NRXN3: variants seen among roughly 807,000 people sequenced by gnomAD.
The protein encoded by NRXN3 is neurexin 3, also known as neurexin III.
A neutral mutation model predicts 137.6 loss-of-function variants in NRXN3; 32 were observed. The ratio of observed to expected loss-of-function variants is 0.23; its 90% CI spans 0.18 to 0.31. NRXN3 has a LOEUF of 0.31. Among genes scored for constraint, NRXN3 ranks in the 10% least tolerant of loss-of-function variants. NRXN3 has a pLI of 1.00. For missense variants in NRXN3, 1,574 were observed against 2,062.5 expected, an observed-to-expected ratio of 0.76 and a Z score of 4.59; for synonymous variants, 798 against 784.5, an observed-to-expected ratio of 1.02 and a Z score of -0.29.
At chr14:78,343,254 C>T (rs578099765) in intron 4 of NRXN3, among the ~76,000 whole-genome samples, 1 of 152,296 alleles carries the variant, frequency 6.6e-6, no homozygotes, top group South Asian at 2.1e-4. Context: ...CTTTTTGAGC[C>T]TTTGTTTCCT....
At chr14:79,579,102 T>C (rs1281714956) in intron 16 of NRXN3, among the ~76,000 whole-genome samples, 2 of 151,950 alleles carry the variant, frequency 1.3e-5, no homozygotes, top group African/African-American at 4.8e-5. Flanking sequence ...ATTTCACATA[T>C]GACCTGAAAT....
At position 79,610,406 on chromosome 14, in the gene NRXN3, T is replaced by G. The variant is rs144951903; in HGVS notation, c.3445-53372T>G. Among the ~76,000 whole-genome samples the G allele has an allele frequency of 7.9e-3, 1,203 of 152,272 alleles. 12 individuals are homozygous for G. The highest frequency in any genetic ancestry group is 0.027 in the African/African-American group (1,126 of 41,548). The stretch of plus-strand genomic sequence containing the variant: ...ATGGTAGTATTTAACAGTTTTCATG[T>G]TTATGGCCTTTTCCTGCAACTAAGT... On this transcript the variant is annotated intron_variant, in intron 16 of 20. Coordinates refer to ENST00000335750, the MANE Select transcript of NRXN3 (RefSeq NM_001330195.2).
intron 15 of NRXN3, among the ~76,000 whole-genome samples, chr14:79,237,813 A>G (rs2073656650): frequency 6.6e-6 from 1 of 152,124 alleles, no homozygotes; most frequent in Non-Finnish European, 1.5e-5. Context: ...TAAAATCCGT[A>G]TTCTGTTTCT....
chr14:79,779,607 C>T (rs950277788), intron 19 of NRXN3, among the ~76,000 whole-genome samples: 1 of 152,162 alleles, frequency 6.6e-6, no homozygotes, highest in East Asian at 1.9e-4. Context: ...AAAAACTTTT[C>T]TCTGAGGATA....
chr14:78,174,491 T>C (rs78726763), intron 1 of NRXN3, among the ~76,000 whole-genome samples: 2,923 of 152,212 alleles, frequency 0.019, 45 homozygotes, highest in South Asian at 0.066. Context: ...TTGGTGGCCT[T>C]TGTGTTGGTT....
chr14:78,197,435 T>G (rs115605364), intron 1 of NRXN3, among the ~76,000 whole-genome samples: 2 of 152,238 alleles, frequency 1.3e-5, no homozygotes, highest in African/African-American at 4.8e-5. Context: ...CAAACCCTCC[T>G]GTGCAGCAAT....
At chr14:79,112,623 T>A (rs1167005927) in intron 15 of NRXN3, among the ~76,000 whole-genome samples, 2 of 152,228 alleles carry the variant, frequency 1.3e-5, no homozygotes, top group East Asian at 3.8e-4. Flanking sequence ...AGAAGTGTTG[T>A]CTGCACATGC....
rs1276176149 is a variant in NRXN3, at chr14:78,364,576, AGAT to A, written c.757+66718_757+66720del. Among the ~76,000 whole-genome samples, 17 of 152,350 alleles carry A rather than the reference AGAT, an allele frequency of 1.1e-4. No individual in the cohort carries two copies. In the East Asian group the frequency reaches 3.3e-3, roughly 29 times the overall value. ...CTGATGTCAGATGTATACATGTGTCAGATGGATACATGTGTCATACGTATCCTG... is the reference window on the plus strand; with the variant it reads ...CTGATGTCAGATGTATACATGTGTCAGGATACATGTGTCATACGTATCCTG... On this transcript the variant is annotated intron_variant, in intron 4 of 20. Transcript: ENST00000335750.
chr14:79,495,542 G>A (rs2096758038), intron 16 of NRXN3, among the ~76,000 whole-genome samples: 2 of 152,078 alleles, frequency 1.3e-5, no homozygotes, highest in Admixed American at 1.3e-4. Flanking sequence ...AAATTCAGGG[G>A]CAAATTATAT....
chr14:79,442,786 G>T (rs2095987311), intron 15 of NRXN3, among the ~76,000 whole-genome samples: 1 of 152,132 alleles, frequency 6.6e-6, no homozygotes, highest in African/African-American at 2.4e-5. Flanking sequence ...TGTAAATATG[G>T]ACTTACCTTT....
chr14:79,131,968 T>C (rs1044873612), intron 15 of NRXN3, among the ~76,000 whole-genome samples: 2 of 152,264 alleles, frequency 1.3e-5, no homozygotes, highest in African/African-American at 4.8e-5. Context: ...CCCCTTTCTT[T>C]GACTAGGAAA....
intron 15 of NRXN3, among the ~76,000 whole-genome samples, chr14:79,064,823 G>GTATA (rs368809846): frequency 4.7e-5 from 7 of 147,970 alleles, no homozygotes; most frequent in African/African-American, 1.5e-4. Context: ...GTGTGTGTGT[G>GTATA]TATATATAAT....
intron 15 of NRXN3, among the ~76,000 whole-genome samples, chr14:79,123,112 G>A (rs1255282697): frequency 1.3e-5 from 2 of 152,140 alleles, no homozygotes; most frequent in Non-Finnish European, 2.9e-5. Flanking sequence ...TTTGTAGGAT[G>A]CTAATTAGAG....
At chr14:79,152,940 G>A (rs1245944357) in intron 15 of NRXN3, among the ~76,000 whole-genome samples, 2 of 152,046 alleles carry the variant, frequency 1.3e-5, no homozygotes, top group South Asian at 2.1e-4. Context: ...CTGTGGGCTT[G>A]CATTTTATTC....
intron 1 of NRXN3, among the ~76,000 whole-genome samples, chr14:78,230,324 G>GTC (rs1477814401): frequency 3.4e-5 from 5 of 148,240 alleles, no homozygotes; most frequent in Non-Finnish European, 4.5e-5. Flanking sequence ...CTCTGTCTCT[G>GTC]TCTGTCTCTC....
intron 10 of NRXN3, among the ~76,000 whole-genome samples, chr14:78,852,259 A>T (rs776455060): frequency 7.9e-5 from 12 of 152,174 alleles, no homozygotes; most frequent in Non-Finnish European, 1.3e-4. Context: ...ACCCTGACGA[A>T]GCAAGCCTGG....
At chr14:79,723,359 G>A (rs1052630269) in intron 19 of NRXN3, among the ~76,000 whole-genome samples, 1 of 152,080 alleles carries the variant, frequency 6.6e-6, no homozygotes, top group Admixed American at 6.6e-5. Context: ...TCCCTCTCTG[G>A]TGCTTGCCCA....
chr14:78,805,484 C>T (rs895287016), intron 9 of NRXN3, among the ~76,000 whole-genome samples: 3 of 151,762 alleles, frequency 2.0e-5, no homozygotes, highest in East Asian at 1.9e-4. Context: ...ACTGGCATAC[C>T]CCTGACCCTA....
chr14:79,722,348 C>A (rs967822681), intron 19 of NRXN3, among the ~76,000 whole-genome samples: 1 of 152,052 alleles, frequency 6.6e-6, no homozygotes, highest in African/African-American at 2.4e-5. Context: ...TCCAATGGAT[C>A]CCATTGCCTG....
Sources: allele counts gnomAD v4.1 joint callset (sites outside exome capture counted in the v4.1 genomes callset), GRCh38; gene constraint gnomAD v4.1.1; transcripts MANE v1.5; gene names NCBI Gene and HGNC (gene_info 2026-07-23, HGNC 2026-07-21).